TCF7L2: variants seen among roughly 807,000 people sequenced by gnomAD.
TCF7L2 encodes the protein transcription factor 7-like 2.
A neutral mutation model predicts 77.9 loss-of-function variants in TCF7L2; 23 were observed. The observed-to-expected ratio is 0.30, with a 90% confidence interval of 0.21 to 0.42. The LOEUF is 0.42. TCF7L2 is among the 10% of genes least tolerant of loss of function. TCF7L2 has a pLI of 1.00. For synonymous variants in TCF7L2, 413 were observed against 340.2 expected (o/e 1.21, Z -2.36); for missense variants, 654 against 793.1 (o/e 0.82, Z 2.11).
chr10:113,119,417 C>G (rs1255923552), intron 5 of TCF7L2, among the ~76,000 whole-genome samples: 1 of 152,080 alleles, frequency 6.6e-6, no homozygotes, highest in Non-Finnish European at 1.5e-5. Flanking sequence ...GCAAAAGAGT[C>G]TTAAAAAGGT....
At chr10:113,095,799 G>A (rs760726635) in intron 5 of TCF7L2, among the ~76,000 whole-genome samples, 3 of 152,216 alleles carry the variant, frequency 2.0e-5, no homozygotes, top group African/African-American at 7.2e-5. Context: ...GAAGATAGGA[G>A]TGTTCCTGCA....
chr10:113,036,793 G>C (rs187719579), intron 4 of TCF7L2, among the ~76,000 whole-genome samples: 2 of 152,028 alleles, frequency 1.3e-5, no homozygotes, highest in Non-Finnish European at 2.9e-5. Flanking sequence ...TAATGTTTTT[G>C]TAGGCAATTC....
chr10:113,146,182 G>A, intron 8 of TCF7L2, 85 bp downstream of exon 8: 1 of 1,214,190 alleles, frequency 8.2e-7, no homozygotes, highest in South Asian at 1.2e-5. Flanking sequence ...GCCACCCAGG[G>A]ACCACAGCTA....
chr10:113,144,086 TTCTGTGTGTGTGTCTGTGTGTG>T, intron 7 of TCF7L2, 61 bp downstream of exon 7: 1 of 1,340,446 alleles, frequency 7.5e-7, no homozygotes, highest in Non-Finnish European at 1.0e-6. Context: ...TTATTATTTA[TTCTGTGTGTGTGTCTGTGTGTG>T]TGTGTGTGTG....
chr10:113,030,859 C>T (rs1466363498), intron 4 of TCF7L2, among the ~76,000 whole-genome samples: 1 of 152,188 alleles, frequency 6.6e-6, no homozygotes, highest in East Asian at 1.9e-4. Flanking sequence ...GGGTGGGACT[C>T]AATCTTGGGG....
At chr10:113,023,707 T>C (rs1564795897) in intron 4 of TCF7L2, among the ~76,000 whole-genome samples, 1 of 151,798 alleles carries the variant, frequency 6.6e-6, no homozygotes, top group Non-Finnish European at 1.5e-5. Context: ...CTCGCTCTGT[T>C]GCCCAGGCTG....
chr10:113,031,210 C>T (rs1230621892), intron 4 of TCF7L2, among the ~76,000 whole-genome samples: 1 of 152,172 alleles, frequency 6.6e-6, no homozygotes, highest in Non-Finnish European at 1.5e-5. Context: ...TTGGCTTTGA[C>T]CACCTAAAAA....
At chr10:113,069,186 ATGT>A (rs1411906112) in intron 5 of TCF7L2, among the ~76,000 whole-genome samples, 1 of 150,604 alleles carries the variant, frequency 6.6e-6, no homozygotes, top group Non-Finnish European at 1.5e-5. Context: ...GGCGCTGTAA[ATGT>A]TGTGTCCAGC....
chr10:112,964,317 T>C (rs2035995985), intron 3 of TCF7L2, among the ~76,000 whole-genome samples: 1 of 152,138 alleles, frequency 6.6e-6, no homozygotes, highest in Non-Finnish European at 1.5e-5. Context: ...CCATCTTCCC[T>C]GTATGCTTAT....
At chr10:113,156,628 C>T (rs1424067671) in intron 11 of TCF7L2, among the ~76,000 whole-genome samples, 1 of 152,228 alleles carries the variant, frequency 6.6e-6, no homozygotes, top group African/African-American at 2.4e-5. Flanking sequence ...AGTCGCCTCT[C>T]CTGAATTCCC....
At chr10:113,102,102 T>G (rs570657117) in intron 5 of TCF7L2, among the ~76,000 whole-genome samples, 16 of 101,438 alleles carry the variant, frequency 1.6e-4, no homozygotes, top group African/African-American at 6.4e-4. Context: ...TGACAGAGCG[T>G]GACTCCATCA....
intron 4 of TCF7L2, among the ~76,000 whole-genome samples, chr10:112,978,294 T>C (rs961531037): frequency 6.6e-6 from 1 of 152,168 alleles, no homozygotes; most frequent in African/African-American, 2.4e-5. Flanking sequence ...GCTTTGCACA[T>C]AGTGGGTGCT....
chr10:112,955,680 T>C (rs752204340), intron 3 of TCF7L2, among the ~76,000 whole-genome samples: 12 of 152,170 alleles, frequency 7.9e-5, no homozygotes, highest in Non-Finnish European at 1.5e-4. Context: ...GATTTTAATT[T>C]TACTGATAGG....
chr10:113,111,907 G>A (rs532841940), intron 5 of TCF7L2, among the ~76,000 whole-genome samples: 1 of 152,300 alleles, frequency 6.6e-6, no homozygotes, highest in East Asian at 1.9e-4. Flanking sequence ...CTGTTTTCAT[G>A]TGAGACTTAG....
intron 5 of TCF7L2, among the ~76,000 whole-genome samples, chr10:113,119,855 C>A (rs1039146009): frequency 6.6e-6 from 1 of 152,162 alleles, no homozygotes; most frequent in South Asian, 2.1e-4. Context: ...TCCACTACCC[C>A]CAAGCGGTCT....
chr10:112,982,224 C>CTT lies in TCF7L2; in HGVS notation c.450+17609_450+17610dup, dbSNP rs528962598. ...CTATCCCAGTATTTAATTTCCACCACTTTTTTTTTTAAAAAATAACATAAG... is the reference window on the plus strand; with the variant it reads ...CTATCCCAGTATTTAATTTCCACCACTTTTTTTTTTTTAAAAAATAACATAAG... On this transcript the variant is annotated intron_variant, in intron 4 of 13. Transcript: ENST00000627217. Among the ~76,000 whole-genome samples, 80 of 150,198 alleles carry CTT rather than the reference C, an allele frequency of 5.3e-4. No individual in the cohort carries two copies. The South Asian group carries it at 0.013, about 24-fold the overall frequency.
chr10:112,986,887 C>G (rs988693103), intron 4 of TCF7L2, among the ~76,000 whole-genome samples: 3 of 152,122 alleles, frequency 2.0e-5, no homozygotes, highest in Non-Finnish European at 4.4e-5. Flanking sequence ...CTGAACAAGT[C>G]CAGCCTGTTT....
intron 5 of TCF7L2, among the ~76,000 whole-genome samples, chr10:113,073,187 G>A (rs2058280825): frequency 6.6e-6 from 1 of 150,400 alleles, no homozygotes; most frequent in Non-Finnish European, 1.5e-5. Context: ...AAAGGTGATC[G>A]GCACTCAGAC....
intron 13 of TCF7L2, among the ~76,000 whole-genome samples, chr10:113,164,245 T>A (rs983553169): frequency 5.9e-5 from 9 of 152,182 alleles, no homozygotes; most frequent in African/African-American, 2.2e-4. Context: ...CTTGAGTTGA[T>A]TTTCCCCGAC....
Sources: gnomAD v4.1 joint callset for allele counts (sites outside exome capture counted in the v4.1 genomes callset) on GRCh38, gnomAD v4.1.1 for gene constraint, MANE v1.5 for transcripts, NCBI Gene and HGNC (gene_info 2026-07-23, HGNC 2026-07-21) for gene names.